FHOD3: variants seen among roughly 807,000 people sequenced by gnomAD.
FHOD3 encodes formin homology 2 domain containing 3.
In FHOD3, 90 loss-of-function variants were observed where a neutral mutation model predicts 173.0. That is an observed-to-expected ratio of 0.52 (90% CI 0.44 to 0.62). FHOD3 has a LOEUF of 0.62. Ranked by LOEUF, FHOD3 falls within the 20% of genes least tolerant of loss-of-function variation. FHOD3 has a pLI of 0.00. For missense variants in FHOD3, 1,945 were observed against 2,034.7 expected, an observed-to-expected ratio of 0.96 and a Z score of 0.85; for synonymous variants, 828 against 823.0, an observed-to-expected ratio of 1.01 and a Z score of -0.10.
At chr18:36,566,464 A>G (rs981317549) in intron 5 of FHOD3, among the ~76,000 whole-genome samples, 1 of 152,206 alleles carries the variant, frequency 6.6e-6, no homozygotes, top group Non-Finnish European at 1.5e-5. Context: ...CAAAAGGTTC[A>G]GAGACAAAGG....
At chr18:36,340,454 TG>T (rs2045553007) in intron 1 of FHOD3, among the ~76,000 whole-genome samples, 1 of 152,188 alleles carries the variant, frequency 6.6e-6, no homozygotes, top group African/African-American at 2.4e-5. Flanking sequence ...GTTGAGCAGC[TG>T]GTAACACTAG....
At chr18:36,372,876 C>G in intron 3 of FHOD3, 132 bp downstream of exon 3, 1 of 709,246 alleles carries the variant, frequency 1.4e-6, no homozygotes, top group East Asian at 2.8e-5. Flanking sequence ...TTTAGTGAAA[C>G]AATTTCCAGC....
At chr18:36,416,757 A>G (rs1399052847) in intron 3 of FHOD3, among the ~76,000 whole-genome samples, 1 of 152,164 alleles carries the variant, frequency 6.6e-6, no homozygotes, top group South Asian at 2.1e-4. Context: ...TCTGAAATGC[A>G]GATCTGATTG....
Position 36,683,081 on chromosome 18 carries a change from T to C in FHOD3, c.1970+1511T>C, listed in dbSNP as rs886122914. Among the ~76,000 whole-genome samples, 29 of 152,204 alleles carry C rather than the reference T, an allele frequency of 1.9e-4. 1 individual carries two copies. Among genetic ancestry groups the C allele is most frequent in the African/African-American group, 4.1e-4 (17 of 41,446 alleles). On this transcript the variant is annotated intron_variant, in intron 15 of 28. Transcript: ENST00000590592. ...AAACCAACATCATTTCCCATCAAGA[T>C]AGTGTAGCATACCCTCAGCTGTCAC...
At chr18:36,670,585 G>C (rs1001246484) in intron 14 of FHOD3, among the ~76,000 whole-genome samples, 3 of 152,022 alleles carry the variant, frequency 2.0e-5, no homozygotes, top group African/African-American at 7.3e-5. Flanking sequence ...CTAGCTTCTT[G>C]AATATGTGGA....
chr18:36,331,144 T>TTTTGTAAATGGGTGTTATTTGTATG (rs1187175626), intron 1 of FHOD3, among the ~76,000 whole-genome samples: 3 of 152,232 alleles, frequency 2.0e-5, no homozygotes, highest in Admixed American at 1.3e-4. Context: ...GGTGAAACTC[T>TTTTGTAAATGGGTGTTATTTGTATG]AAACAATAAC....
chr18:36,773,540 A>G (rs1412217844), intron 28 of FHOD3, among the ~76,000 whole-genome samples: 1 of 152,136 alleles, frequency 6.6e-6, no homozygotes, highest in East Asian at 1.9e-4. Flanking sequence ...CTTGGCCCTT[A>G]CCGTGTATCA....
chr18:36,542,107 G>T (rs1452715226), intron 5 of FHOD3, among the ~76,000 whole-genome samples: 1 of 152,130 alleles, frequency 6.6e-6, no homozygotes, highest in Non-Finnish European at 1.5e-5. Context: ...AACCTACCAT[G>T]GATATAGCTA....
In FHOD3 at chr18:36,507,328, A is replaced by G. The variant is rs142716695; in HGVS notation, c.406-5110A>G. On this transcript the variant is annotated intron_variant, in intron 4 of 28. Transcript: ENST00000590592. ...TATTGTATAAAATTACCTTCATGCT[A>G]TATATAAATTGTGTATACGAAACCT... Among the ~76,000 whole-genome samples the G allele has an allele frequency of 2.0e-5, 3 of 152,348 alleles. No homozygotes were observed. In the East Asian group the frequency reaches 5.8e-4, roughly 29 times the overall value.
intron 3 of FHOD3, among the ~76,000 whole-genome samples, chr18:36,470,229 G>A (rs547710194): frequency 3.9e-5 from 6 of 152,242 alleles, no homozygotes; most frequent in East Asian, 1.9e-4. Flanking sequence ...ACCCCCATCC[G>A]GTTTTGCTCA....
chr18:36,456,133 G>C (rs898147667), intron 3 of FHOD3, among the ~76,000 whole-genome samples: 4 of 152,032 alleles, frequency 2.6e-5, no homozygotes, highest in Non-Finnish European at 5.9e-5. Flanking sequence ...CTTTTGTCCT[G>C]CGCACTGAAC....
intron 1 of FHOD3, among the ~76,000 whole-genome samples, chr18:36,317,886 C>T (rs2044204678): frequency 2.0e-5 from 3 of 152,286 alleles, no homozygotes; most frequent in Middle Eastern, 3.4e-3. Context: ...TTTAATCCAT[C>T]TTGAGTTAAT....
At chr18:36,467,172 G>A (rs532668949) in intron 3 of FHOD3, among the ~76,000 whole-genome samples, 1 of 152,238 alleles carries the variant, frequency 6.6e-6, no homozygotes, top group South Asian at 2.1e-4. Context: ...GAAGGTAAGA[G>A]CCGAGCACAC....
intron 8 of FHOD3, among the ~76,000 whole-genome samples, chr18:36,603,480 C>T (rs905866622): frequency 6.6e-6 from 1 of 150,992 alleles, no homozygotes; most frequent in Non-Finnish European, 1.5e-5. Flanking sequence ...CAAGTTGGCC[C>T]CTTAAAATAA....
At chr18:36,540,367 G>A (rs943107684) in intron 5 of FHOD3, among the ~76,000 whole-genome samples, 7 of 152,194 alleles carry the variant, frequency 4.6e-5, no homozygotes, top group Non-Finnish European at 8.8e-5. Flanking sequence ...GAACAAAGAC[G>A]TTGTGTTTCC....
At chr18:36,628,996 A>G (rs2034312479) in intron 10 of FHOD3, among the ~76,000 whole-genome samples, 1 of 152,244 alleles carries the variant, frequency 6.6e-6, no homozygotes, top group South Asian at 2.1e-4. Flanking sequence ...ATTCCAAACT[A>G]TAGAAGTAAT....
chr18:36,507,510 G>A (rs983894489), intron 4 of FHOD3, among the ~76,000 whole-genome samples: 16 of 152,154 alleles, frequency 1.1e-4, no homozygotes, highest in Admixed American at 1.0e-3. Context: ...ATACTTCAGA[G>A]CACTTGTCTT....
At chr18:36,319,118 G>A (rs62084111) in intron 1 of FHOD3, among the ~76,000 whole-genome samples, 282 of 152,138 alleles carry the variant, frequency 1.9e-3, no homozygotes, top group Middle Eastern at 6.8e-3. Context: ...TGCTGGATTC[G>A]GTTTGCCAGT....
intron 14 of FHOD3, among the ~76,000 whole-genome samples, chr18:36,679,736 G>A (rs2038110645): frequency 6.6e-6 from 1 of 151,864 alleles, no homozygotes; most frequent in South Asian, 2.1e-4. Context: ...GTTGCATTAT[G>A]ATCAGTAAGG....
Sources: gnomAD v4.1 joint callset for allele counts (sites outside exome capture counted in the v4.1 genomes callset) on GRCh38, gnomAD v4.1.1 for gene constraint, MANE v1.5 for transcripts, NCBI Gene and HGNC (gene_info 2026-07-23, HGNC 2026-07-21) for gene names.